The following NRXN3 variants were observed in gnomAD, a reference collection of about 807,000 sequenced individuals.
NRXN3 encodes neurexin 3.
In NRXN3, 32 loss-of-function variants were observed where a neutral mutation model predicts 137.6. That is an observed-to-expected ratio of 0.23 (90% CI 0.18 to 0.31). The LOEUF is 0.31. Ranked by LOEUF, NRXN3 falls within the 10% of genes least tolerant of loss-of-function variation. NRXN3 has a pLI of 1.00. For missense variants in NRXN3, 1,574 were observed against 2,062.5 expected (o/e 0.76, Z 4.59); for synonymous variants, 798 against 784.5 (o/e 1.02, Z -0.29).
intron 4 of NRXN3, among the ~76,000 whole-genome samples, chr14:78,627,103 CTTCTCTCT>C (rs775762613): frequency 2.0e-5 from 2 of 102,116 alleles, no homozygotes; most frequent in African/African-American, 9.1e-5. Flanking sequence ...CCCTCCCTCC[CTTCTCTCT>C]CTCTCTCTCT....
At chr14:78,623,465 A>G (rs772981353) in intron 4 of NRXN3, among the ~76,000 whole-genome samples, 6 of 152,236 alleles carry the variant, frequency 3.9e-5, no homozygotes, top group Non-Finnish European at 5.9e-5. Flanking sequence ...GGCATGAAGA[A>G]TTGGCCATAG....
At chr14:79,137,391 T>C (rs1568399981) in intron 15 of NRXN3, among the ~76,000 whole-genome samples, 1 of 152,152 alleles carries the variant, frequency 6.6e-6, no homozygotes, top group Non-Finnish European at 1.5e-5. Context: ...GAATCAATTA[T>C]GAAAAGTGAT....
chr14:78,768,287 A>C (rs900151543), intron 8 of NRXN3, among the ~76,000 whole-genome samples: 2 of 152,148 alleles, frequency 1.3e-5, no homozygotes, highest in Non-Finnish European at 2.9e-5. Flanking sequence ...ATTACTAGAA[A>C]TGCTGTTAGT....
chr14:79,039,910 C>T (rs2099622363), intron 15 of NRXN3, among the ~76,000 whole-genome samples: 1 of 152,066 alleles, frequency 6.6e-6, no homozygotes, highest in Non-Finnish European at 1.5e-5. Context: ...TGCTAGGTTG[C>T]CCAGGCTGGT....
intron 10 of NRXN3, among the ~76,000 whole-genome samples, chr14:78,930,074 G>T (rs1202345716): frequency 6.6e-6 from 1 of 152,134 alleles, no homozygotes; most frequent in Non-Finnish European, 1.5e-5. Context: ...TAACTGCAGG[G>T]TGTAAAAATT....
At position 79,581,294 on chromosome 14, in the gene NRXN3, T is replaced by C. The variant is rs186719990; in HGVS notation, c.3445-82484T>C. Among the ~76,000 whole-genome samples, 474 of 152,292 alleles carry C rather than the reference T, an allele frequency of 3.1e-3. 2 individuals carry two copies. The highest frequency in any genetic ancestry group is 0.014 in the Middle Eastern group (4 of 294). ...TCCTTACTGCTTCTCTCAACACTCA[T>C]CTCCACCTCCAGCCTCTGCTCTACA... On this transcript the variant is annotated intron_variant, in intron 16 of 20. Transcript: ENST00000335750.
intron 15 of NRXN3, among the ~76,000 whole-genome samples, chr14:79,272,478 C>T (rs1234825474): frequency 3.3e-5 from 5 of 151,900 alleles, no homozygotes; most frequent in Non-Finnish European, 1.5e-5. Flanking sequence ...TACATAAATC[C>T]AATAGAAATT....
At chr14:78,817,403 G>A (rs2098937177) in intron 10 of NRXN3, among the ~76,000 whole-genome samples, 1 of 152,186 alleles carries the variant, frequency 6.6e-6, no homozygotes, top group South Asian at 2.1e-4. Flanking sequence ...AAAGGAAGAA[G>A]CAGAGGAAAC....
At chr14:79,393,694 A>G (rs2094928271) in intron 15 of NRXN3, among the ~76,000 whole-genome samples, 1 of 152,166 alleles carries the variant, frequency 6.6e-6, no homozygotes, top group African/African-American at 2.4e-5. Flanking sequence ...GGGCGCCTAT[A>G]GTCCCAGCTA....
At chr14:79,617,619 CT>C (rs1254671906) in intron 16 of NRXN3, among the ~76,000 whole-genome samples, 1 of 152,066 alleles carries the variant, frequency 6.6e-6, no homozygotes, top group Non-Finnish European at 1.5e-5. Context: ...CGTCTTTCTA[CT>C]TTGGTTAAAG....
intron 15 of NRXN3, among the ~76,000 whole-genome samples, chr14:79,263,334 G>C (rs1415708534): frequency 6.6e-6 from 1 of 152,144 alleles, no homozygotes; most frequent in Non-Finnish European, 1.5e-5. Context: ...TAAGTATTAT[G>C]TTCATATCTT....
rs750024665 is a variant in NRXN3, at chr14:79,641,445, A to G, written c.3445-22333A>G. 2.2e-5 allele frequency among the ~76,000 whole-genome samples: 3 copies of G among 135,896 alleles called. 1 individual carries two copies. Among genetic ancestry groups the G allele is most frequent in the Non-Finnish European group, 5.1e-5 (3 of 58,454 alleles). 89.2% of individuals were successfully genotyped at this position (135,896 alleles called of 152,430 possible). A position where few individuals can be genotyped will look rare whatever the true frequency, so the allele number is the denominator to read the frequency against. On this transcript the variant is annotated intron_variant, in intron 16 of 20. Coordinates refer to ENST00000335750, the MANE Select transcript of NRXN3 (RefSeq NM_001330195.2). ...TGAGTGTATTCGTTATTGTCTAATG[A>G]CACAGCATAACAAACCACTGAAATT...
intron 15 of NRXN3, among the ~76,000 whole-genome samples, chr14:79,098,714 G>T (rs1036189247): frequency 4.6e-5 from 7 of 152,176 alleles, no homozygotes; most frequent in African/African-American, 1.7e-4. Flanking sequence ...AATGGTGCCT[G>T]CAAGAGGAAA....
intron 15 of NRXN3, among the ~76,000 whole-genome samples, chr14:79,151,735 G>A (rs555542932): frequency 7.2e-5 from 11 of 152,052 alleles, no homozygotes; most frequent in Admixed American, 2.6e-4. Context: ...GGTAGATCTA[G>A]ACACCGTGAT....
At chr14:78,565,811 A>T (rs1040283466) in intron 4 of NRXN3, among the ~76,000 whole-genome samples, 6 of 152,096 alleles carry the variant, frequency 3.9e-5, no homozygotes, top group Non-Finnish European at 8.8e-5. Context: ...GGCATTGGGG[A>T]TTCATCATGG....
intron 4 of NRXN3, among the ~76,000 whole-genome samples, chr14:78,595,799 C>T (rs888942662): frequency 1.3e-5 from 2 of 152,036 alleles, no homozygotes; most frequent in Non-Finnish European, 2.9e-5. Flanking sequence ...GGAACTTTGG[C>T]CATCTCCATT....
At chr14:79,514,727 G>A (rs944596352) in intron 16 of NRXN3, among the ~76,000 whole-genome samples, 2 of 152,126 alleles carry the variant, frequency 1.3e-5, no homozygotes, top group Non-Finnish European at 2.9e-5. Flanking sequence ...GGCTCACCTG[G>A]TCAGATGGCT....
chr14:79,184,388 A>G (rs544212247), intron 15 of NRXN3, among the ~76,000 whole-genome samples: 20 of 152,356 alleles, frequency 1.3e-4, no homozygotes, highest in Middle Eastern at 6.8e-3. Flanking sequence ...AGATGTGGAT[A>G]GTACCTTCAG....
intron 4 of NRXN3, among the ~76,000 whole-genome samples, chr14:78,578,823 C>A (rs1270661967): frequency 6.6e-6 from 1 of 152,052 alleles, no homozygotes; most frequent in Non-Finnish European, 1.5e-5. Context: ...GAAAGGGCAC[C>A]CGAGGCTGCT....
Sources: allele counts gnomAD v4.1 joint callset (sites outside exome capture counted in the v4.1 genomes callset), GRCh38; gene constraint gnomAD v4.1.1; transcripts MANE v1.5; gene names NCBI Gene and HGNC (gene_info 2026-07-23, HGNC 2026-07-21).